Variants in CEP170 observed in about 807,000 individuals in gnomAD.
CEP170 encodes the protein centrosomal protein 170, also known as centrosomal protein of 170 kDa.
CEP170 carries 21 observed loss-of-function variants against 151.9 expected under a neutral mutation model. The observed-to-expected ratio is 0.14, with a 90% CI of 0.10 to 0.20. The LOEUF (loss-of-function observed/expected upper bound fraction) is 0.20, where lower values mean the gene tolerates loss of function less well. Among genes scored for constraint, CEP170 ranks in the 10% least tolerant of loss-of-function variants. CEP170 has a pLI of 1.00. For synonymous variants in CEP170, 356 were observed against 648.8 expected (o/e 0.55, Z 6.86); for missense variants, 964 against 1,892.9 (o/e 0.51, Z 9.11).
At chr1:243,242,989 T>C (rs1221851499) in intron 1 of CEP170, among the ~76,000 whole-genome samples, 3 of 152,246 alleles carry the variant, frequency 2.0e-5, no homozygotes, top group African/African-American at 4.8e-5. Context: ...CATAAGCCAC[T>C]GCGCCCGGTC....
At chr1:243,211,216 TTTC>T (rs1305278844) in intron 4 of CEP170, 5 of 151,984 alleles carry the variant, frequency 3.3e-5, no homozygotes, top group East Asian at 1.9e-4. Flanking sequence ...TGGAAATGTC[TTTC>T]TTCTTCTGCA....
chr1:243,213,757 T>C (rs1475696760), intron 3 of CEP170, among the ~76,000 whole-genome samples: 2 of 152,218 alleles, frequency 1.3e-5, no homozygotes, highest in African/African-American at 4.8e-5. Context: ...TCACCCAAGA[T>C]GGAGTGCAGT....
At chr1:243,230,942 G>A (rs1572522693) in intron 1 of CEP170, among the ~76,000 whole-genome samples, 1 of 152,144 alleles carries the variant, frequency 6.6e-6, no homozygotes, top group East Asian at 1.9e-4. Context: ...AAACATTACA[G>A]TCAAATTGTC....
At chr1:243,167,670 A>G (rs866688220) in intron 12 of CEP170, among the ~76,000 whole-genome samples, 1 of 151,792 alleles carries the variant, frequency 6.6e-6, no homozygotes, top group Non-Finnish European at 1.5e-5. Flanking sequence ...TACAATCCTA[A>G]AAGTTTAGTA....
intron 3 of CEP170, among the ~76,000 whole-genome samples, chr1:243,216,913 G>A (rs376932737): frequency 2.6e-5 from 4 of 152,094 alleles, no homozygotes; most frequent in Non-Finnish European, 5.9e-5. Context: ...TAAAGTATTC[G>A]GAGGATACAG....
intron 1 of CEP170, among the ~76,000 whole-genome samples, chr1:243,232,855 A>T (rs2063878740): frequency 6.6e-6 from 1 of 152,222 alleles, no homozygotes; most frequent in Non-Finnish European, 1.5e-5. Context: ...CACAGAGCTG[A>T]AATACAGAGA....
intron 8 of CEP170, among the ~76,000 whole-genome samples, chr1:243,187,471 C>T (rs1412908574): frequency 6.6e-6 from 1 of 152,142 alleles, no homozygotes; most frequent in Non-Finnish European, 1.5e-5. Context: ...AATCACAAAT[C>T]AGAGCTTAAA....
At chr1:243,233,747 T>G in intron 1 of CEP170, among the ~76,000 whole-genome samples, 1 of 124,262 alleles carries the variant, frequency 8.0e-6, no homozygotes, top group South Asian at 2.5e-4. Context: ...AAAAAATATA[T>G]ATATATATAT....
At chr1:243,147,497 T>C (rs533655935) in intron 14 of CEP170, among the ~76,000 whole-genome samples, 1 of 152,350 alleles carries the variant, frequency 6.6e-6, no homozygotes, top group African/African-American at 2.4e-5. Flanking sequence ...AGAAATTCAC[T>C]TAAGGTTTCC....
In CEP170 at chr1:243,227,164, TAA is replaced by T. The variant is rs368420067; in HGVS notation, c.-41-1845_-41-1844del. ...GTTAATATTACCACCTATCTTACCATAAAAGTCTTTTAAGTACAGGGAAGCTG... is the reference window on the plus strand; with the variant it reads ...GTTAATATTACCACCTATCTTACCATAAGTCTTTTAAGTACAGGGAAGCTG... On this transcript the variant is annotated intron_variant, in intron 1 of 19. Transcript: ENST00000366542. 1.1e-3 allele frequency among the ~76,000 whole-genome samples: 171 copies of T among 152,222 alleles called. 3 individuals carry two copies. In the South Asian group the frequency reaches 0.03, roughly 27 times the overall value.
intron 1 of CEP170, among the ~76,000 whole-genome samples, chr1:243,234,495 T>C (rs1318583066): frequency 3.3e-5 from 5 of 152,156 alleles, no homozygotes; most frequent in African/African-American, 7.2e-5. Context: ...CCTTACAAAA[T>C]TGTAATCTGA....
intron 16 of CEP170, among the ~76,000 whole-genome samples, chr1:243,137,138 G>C (rs1456696501): frequency 6.6e-6 from 1 of 152,224 alleles, no homozygotes; most frequent in Non-Finnish European, 1.5e-5. Flanking sequence ...TAGCCGTGTT[G>C]TAACAAAACT....
intron 1 of CEP170, among the ~76,000 whole-genome samples, chr1:243,233,891 T>C (rs1051875816): frequency 1.1e-4 from 17 of 152,002 alleles, no homozygotes; most frequent in African/African-American, 3.9e-4. Flanking sequence ...GTGCACTTGA[T>C]ATATGACAGT....
chr1:243,187,537 T>G (rs1352393102), intron 8 of CEP170, among the ~76,000 whole-genome samples: 1 of 152,242 alleles, frequency 6.6e-6, no homozygotes, highest in Non-Finnish European at 1.5e-5. Context: ...TACATTCTAA[T>G]GCTTCCAGGA....
intron 17 of CEP170, 129 bp downstream of exon 17, chr1:243,136,014 T>G: frequency 7.0e-7 from 1 of 1,436,068 alleles, no homozygotes; most frequent in South Asian, 1.3e-5. Flanking sequence ...TAGTACTGGA[T>G]AGATATTTAC....
chr1:243,225,755 C>A (rs1229954996), intron 1 of CEP170, among the ~76,000 whole-genome samples: 1 of 151,930 alleles, frequency 6.6e-6, no homozygotes, highest in African/African-American at 2.4e-5. Context: ...ATATATGATA[C>A]CTGATTAAGA....
At chr1:243,187,621 C>T (rs1020604073) in intron 8 of CEP170, among the ~76,000 whole-genome samples, 1 of 152,078 alleles carries the variant, frequency 6.6e-6, no homozygotes, top group Non-Finnish European at 1.5e-5. Flanking sequence ...TGGTACCAAA[C>T]AAAATAATGA....
At chr1:243,247,685 C>T (rs1484831541) in intron 1 of CEP170, among the ~76,000 whole-genome samples, 3 of 152,156 alleles carry the variant, frequency 2.0e-5, no homozygotes, top group Non-Finnish European at 4.4e-5. Context: ...TAGCCCTTTT[C>T]TCTACCCTCA....
At chr1:243,201,191 C>A (rs1288086158) in intron 4 of CEP170, among the ~76,000 whole-genome samples, 1 of 151,812 alleles carries the variant, frequency 6.6e-6, no homozygotes, top group East Asian at 1.9e-4. Flanking sequence ...GAGCTAATCA[C>A]AAAAATGTAA....
Sources: allele counts gnomAD v4.1 joint callset (sites outside exome capture counted in the v4.1 genomes callset), GRCh38; gene constraint gnomAD v4.1.1; transcripts MANE v1.5; gene names NCBI Gene and HGNC (gene_info 2026-07-23, HGNC 2026-07-21).